ERBB4: variants seen among roughly 807,000 people sequenced by gnomAD.
ERBB4 encodes erb-b2 receptor tyrosine kinase 4, also known as receptor tyrosine-protein kinase erbB-4.
ERBB4 carries 42 observed loss-of-function variants against 158.0 expected under a neutral mutation model. The ratio of observed to expected loss-of-function variants is 0.27; its 90% confidence interval spans 0.21 to 0.34. ERBB4 has a LOEUF of 0.34. Among genes scored for constraint, ERBB4 ranks in the 10% least tolerant of loss-of-function variants. The probability of loss-of-function intolerance (pLI) is 1.00; values close to 1 mark genes in which losing one functional copy is unlikely to be tolerated. For missense variants in ERBB4, 1,333 were observed against 1,624.1 expected (o/e 0.82, Z 3.08); for synonymous variants, 583 against 558.7 (o/e 1.04, Z -0.61).
intron 2 of ERBB4, among the ~76,000 whole-genome samples, chr2:212,079,592 T>C (rs964019938): frequency 1.3e-5 from 2 of 152,106 alleles, no homozygotes; most frequent in African/African-American, 4.8e-5. Flanking sequence ...TTTCAATAAC[T>C]TAATATAAGG....
At chr2:212,360,135 C>G (rs10497971) in intron 1 of ERBB4, among the ~76,000 whole-genome samples, 2 of 151,526 alleles carry the variant, frequency 1.3e-5, no homozygotes, top group Admixed American at 1.3e-4. Context: ...AACAAAGAAC[C>G]TTTCTATCAC....
intron 1 of ERBB4, among the ~76,000 whole-genome samples, chr2:212,489,915 T>C (rs1452805076): frequency 6.6e-6 from 1 of 151,820 alleles, no homozygotes; most frequent in Non-Finnish European, 1.5e-5. Context: ...AGAAACCTCC[T>C]GGTCTAAAAT....
chr2:211,736,686 C>T (rs938521348), intron 5 of ERBB4, among the ~76,000 whole-genome samples: 1 of 152,040 alleles, frequency 6.6e-6, no homozygotes, highest in Admixed American at 6.6e-5. Context: ...TGCCATAATG[C>T]CTTATCTTCA....
At chr2:212,103,652 G>A (rs1468614372) in intron 2 of ERBB4, among the ~76,000 whole-genome samples, 1 of 151,420 alleles carries the variant, frequency 6.6e-6, no homozygotes, top group African/African-American at 2.4e-5. Context: ...GTTGCATAGG[G>A]AATGGAGGGA....
intron 13 of ERBB4, 110 bp from the exon 14 acceptor site, chr2:211,673,367 T>C (rs2071920315): frequency 2.6e-6 from 2 of 783,230 alleles, no homozygotes. Flanking sequence ...TAAAGTTTGT[T>C]TCTCTATGTG....
chr2:211,493,173 C>T (rs948845958), intron 20 of ERBB4, among the ~76,000 whole-genome samples: 3 of 152,148 alleles, frequency 2.0e-5, no homozygotes, highest in African/African-American at 7.2e-5. Context: ...TTTTTTCCTT[C>T]AAATTTCTAC....
intron 14 of ERBB4, among the ~76,000 whole-genome samples, chr2:211,668,623 T>C (rs1479798531): frequency 1.3e-5 from 2 of 152,108 alleles, no homozygotes; most frequent in Non-Finnish European, 2.9e-5. Context: ...GATGTTTTTC[T>C]CTGGTAGCTA....
chr2:211,735,776 T>C (rs903452455), intron 5 of ERBB4, among the ~76,000 whole-genome samples: 5 of 152,112 alleles, frequency 3.3e-5, no homozygotes, highest in Admixed American at 6.5e-5. Flanking sequence ...AAAAGAGTTA[T>C]ACCACAAGCA....
At chr2:211,749,495 G>A (rs1025306282) in intron 5 of ERBB4, among the ~76,000 whole-genome samples, 2 of 147,674 alleles carry the variant, frequency 1.4e-5, no homozygotes, top group Non-Finnish European at 3.1e-5. Flanking sequence ...GAGAGCTGAG[G>A]GAAAAAGGTG....
At chr2:212,047,884 A>G (rs1231492362) in intron 2 of ERBB4, among the ~76,000 whole-genome samples, 13 of 152,218 alleles carry the variant, frequency 8.5e-5, no homozygotes, top group African/African-American at 2.9e-4. Flanking sequence ...GATAATAATC[A>G]GACAGTAAGC....
intron 1 of ERBB4, among the ~76,000 whole-genome samples, chr2:212,229,465 G>A (rs2083591513): frequency 1.3e-5 from 2 of 152,160 alleles, no homozygotes; most frequent in African/African-American, 4.8e-5. Flanking sequence ...AAACACTGCA[G>A]AAAGGGATGA....
chr2:212,177,203 A>G (rs1234784434), intron 1 of ERBB4, among the ~76,000 whole-genome samples: 1 of 151,740 alleles, frequency 6.6e-6, no homozygotes. Context: ...AAAAATGTAA[A>G]TAAGGATCAT....
chr2:211,526,260 C>T (rs1198795238), intron 20 of ERBB4, among the ~76,000 whole-genome samples: 1 of 152,052 alleles, frequency 6.6e-6, no homozygotes, highest in East Asian at 1.9e-4. Context: ...GGGAGAGACT[C>T]CATTTTCTTG....
chr2:212,029,951 G>C (rs1200276975), intron 2 of ERBB4, among the ~76,000 whole-genome samples: 1 of 152,018 alleles, frequency 6.6e-6, no homozygotes, highest in Admixed American at 6.6e-5. Context: ...TGCCACATAA[G>C]GTTTTGCAAG....
chr2:211,842,367 T>C (rs895012363), intron 3 of ERBB4, among the ~76,000 whole-genome samples: 4 of 149,946 alleles, frequency 2.7e-5, no homozygotes, highest in Admixed American at 6.6e-5. Flanking sequence ...ACTTTTTTTT[T>C]CTGACATAAA....
At chr2:211,830,500 ATTTG>A (rs943177636) in intron 3 of ERBB4, among the ~76,000 whole-genome samples, 8 of 152,068 alleles carry the variant, frequency 5.3e-5, no homozygotes, top group Non-Finnish European at 7.4e-5. Context: ...TTAGCCTTTA[ATTTG>A]TTTATTTCTA....
intron 2 of ERBB4, among the ~76,000 whole-genome samples, chr2:212,013,058 C>CA (rs2076428142): frequency 1.4e-5 from 2 of 139,714 alleles, no homozygotes; most frequent in East Asian, 2.1e-4. Flanking sequence ...AAATACTTTC[C>CA]TTTTTTTTTT....
intron 2 of ERBB4, among the ~76,000 whole-genome samples, chr2:211,953,558 G>C (rs1418087183): frequency 6.6e-6 from 1 of 150,744 alleles, no homozygotes; most frequent in Non-Finnish European, 1.5e-5. Flanking sequence ...TTTAGTTCTA[G>C]GAAGTCATCC....
intron 1 of ERBB4, among the ~76,000 whole-genome samples, chr2:212,184,410 T>C (rs2081957797): frequency 6.6e-6 from 1 of 152,126 alleles, no homozygotes; most frequent in African/African-American, 2.4e-5. Context: ...TATATAAGGC[T>C]CTGAATTGGT....
Sources: allele counts gnomAD v4.1 joint callset (sites outside exome capture counted in the v4.1 genomes callset), GRCh38; gene constraint gnomAD v4.1.1; transcripts MANE v1.5; gene names NCBI Gene and HGNC (gene_info 2026-07-23, HGNC 2026-07-21).